DOCK3: variants seen among roughly 807,000 people sequenced by gnomAD.
The protein encoded by DOCK3 is dedicator of cytokinesis protein 3.
A neutral mutation model predicts 265.6 loss-of-function variants in DOCK3; 60 were observed. That is an observed-to-expected ratio of 0.23 (90% CI 0.18 to 0.28). The LOEUF (loss-of-function observed/expected upper bound fraction) is 0.28, where lower values mean the gene tolerates loss of function less well. Ranked by LOEUF, DOCK3 falls within the 10% of genes least tolerant of loss-of-function variation. The pLI is 1.00. For missense variants in DOCK3, 1,981 were observed against 2,594.3 expected, an observed-to-expected ratio of 0.76 and a Z score of 5.14; for synonymous variants, 881 against 938.0, an observed-to-expected ratio of 0.94 and a Z score of 1.11.
chr3:50,975,961 T>G (rs1423592433), intron 5 of DOCK3, among the ~76,000 whole-genome samples: 3 of 151,118 alleles, frequency 2.0e-5, no homozygotes, highest in Non-Finnish European at 4.4e-5. Flanking sequence ...TGATGGTAGT[T>G]TGTATTTCTG....
chr3:51,168,969 A>G (rs2086541890), intron 12 of DOCK3, among the ~76,000 whole-genome samples: 1 of 152,250 alleles, frequency 6.6e-6, no homozygotes, highest in African/African-American at 2.4e-5. Flanking sequence ...CATGTGGCCA[A>G]CAAGCATATG....
At chr3:51,205,222 CATCT>C (rs1560207843) in intron 12 of DOCK3, among the ~76,000 whole-genome samples, 3 of 151,690 alleles carry the variant, frequency 2.0e-5, no homozygotes. Context: ...AGAAGGTCCA[CATCT>C]ATCACCACAG....
At chr3:51,158,420 C>T (rs2085962864) in intron 10 of DOCK3, among the ~76,000 whole-genome samples, 1 of 152,122 alleles carries the variant, frequency 6.6e-6, no homozygotes, top group South Asian at 2.1e-4. Flanking sequence ...ATGGTGCACA[C>T]CTGTAGTACC....
At chr3:51,256,255 T>C (rs1376579008) in intron 22 of DOCK3, among the ~76,000 whole-genome samples, 2 of 152,184 alleles carry the variant, frequency 1.3e-5, no homozygotes, top group East Asian at 3.8e-4. Flanking sequence ...TATTCAGCCA[T>C]CTTGGAACCT....
At chr3:51,366,499 T>C (rs892156359) in intron 49 of DOCK3, among the ~76,000 whole-genome samples, 12 of 152,226 alleles carry the variant, frequency 7.9e-5, no homozygotes, top group Non-Finnish European at 1.3e-4. Flanking sequence ...TCAGTTCTGC[T>C]CTGATCTTAG....
intron 52 of DOCK3, 140 bp from the exon 53 acceptor site, chr3:51,380,910 G>A (rs1038158293): frequency 2.3e-5 from 25 of 1,108,138 alleles, no homozygotes; most frequent in Admixed American, 1.3e-4. Context: ...GGAGCTGGGA[G>A]CTTGCTGCTG....
chr3:51,159,333 C>A (rs1279489310), intron 11 of DOCK3, 29 bp downstream of exon 11: 1 of 1,601,622 alleles, frequency 6.2e-7, no homozygotes, highest in African/African-American at 1.3e-5. Context: ...ATTCACATGA[C>A]TAAGAATGGC....
intron 5 of DOCK3, among the ~76,000 whole-genome samples, chr3:50,940,899 C>T (rs2076273769): frequency 6.6e-6 from 1 of 152,100 alleles, no homozygotes; most frequent in African/African-American, 2.4e-5. Context: ...AAAACCCTGC[C>T]TAAGTATCAT....
intron 2 of DOCK3, among the ~76,000 whole-genome samples, chr3:50,814,618 A>G (rs1005284481): frequency 2.6e-5 from 4 of 151,988 alleles, no homozygotes; most frequent in African/African-American, 9.7e-5. Flanking sequence ...TTGCTCACTA[A>G]TGTTTCTTTT....
intron 4 of DOCK3, among the ~76,000 whole-genome samples, chr3:50,906,480 G>T (rs558214789): frequency 6.6e-6 from 1 of 151,960 alleles, no homozygotes; most frequent in Non-Finnish European, 1.5e-5. Flanking sequence ...CTTCTTCCTG[G>T]TTTAGTCTTG....
At chr3:51,309,369 G>A (rs1476541066) in intron 27 of DOCK3, among the ~76,000 whole-genome samples, 3 of 152,230 alleles carry the variant, frequency 2.0e-5, no homozygotes, top group African/African-American at 7.2e-5. Flanking sequence ...ATCACTTGCG[G>A]TTAGGAGCTG....
intron 5 of DOCK3, among the ~76,000 whole-genome samples, chr3:50,980,147 T>C (rs1231921640): frequency 6.6e-6 from 1 of 152,192 alleles, no homozygotes; most frequent in Non-Finnish European, 1.5e-5. Flanking sequence ...GCGTAATTTG[T>C]TGAGGGTTTT....
chr3:51,312,354 GAA>G, intron 29 of DOCK3, 120 bp from the exon 30 acceptor site: 1 of 978,864 alleles, frequency 1.0e-6, no homozygotes, highest in Admixed American at 2.8e-5. Flanking sequence ...ATTTAAAAGG[GAA>G]AAAAAATGAG....
rs1400168080 is a variant in DOCK3, at chr3:50,674,937, G to C, written c.-327G>C. On this transcript the variant is annotated 5_prime_UTR_variant, in exon 1 of 53. Transcript: ENST00000266037. The surrounding 1 kb of genome is among the most constrained non-coding windows in gnomAD (Gnocchi z 4.3). ...GCGCGGGCGTCCTGCGAGCCCGCTG[G>C]GGCGAGCCGAGCCGCGGCGGCGCCG... 1 of 148,736 alleles carries C rather than the reference G, an allele frequency of 6.7e-6. No individual in the cohort carries two copies. The highest frequency in any genetic ancestry group is 2.4e-5 in the African/African-American group (1 of 41,050). The allele number at this position is 148,736 out of a possible 1,614,324, so 9.2% of individuals were successfully genotyped here. A position where few individuals can be genotyped will look rare whatever the true frequency, so the allele number is the denominator to read the frequency against.
At chr3:50,788,635 C>T (rs1376481611) in intron 2 of DOCK3, among the ~76,000 whole-genome samples, 3 of 152,224 alleles carry the variant, frequency 2.0e-5, no homozygotes, top group Admixed American at 2.0e-4. Context: ...GCCAGGCTGG[C>T]CCCTCACTCC....
intron 1 of DOCK3, among the ~76,000 whole-genome samples, chr3:50,752,068 G>A (rs2039852142): frequency 6.6e-6 from 1 of 152,110 alleles, no homozygotes; most frequent in Non-Finnish European, 1.5e-5. Flanking sequence ...TATCACCCCA[G>A]TACCTGCAAT....
chr3:51,043,132 T>C (rs1367903310), intron 5 of DOCK3, among the ~76,000 whole-genome samples: 2 of 152,060 alleles, frequency 1.3e-5, no homozygotes, highest in Non-Finnish European at 2.9e-5. Flanking sequence ...CCTGAATAGC[T>C]AAGGCAATCC....
chr3:51,169,842 T>A (rs1009510277), intron 12 of DOCK3, among the ~76,000 whole-genome samples: 1 of 152,230 alleles, frequency 6.6e-6, no homozygotes, highest in Non-Finnish European at 1.5e-5. Context: ...ACCATCGTGC[T>A]ATCCCAGGGA....
intron 1 of DOCK3, among the ~76,000 whole-genome samples, chr3:50,737,882 A>G (rs1214800681): frequency 1.3e-5 from 2 of 152,138 alleles, no homozygotes; most frequent in African/African-American, 4.8e-5. Context: ...TGAATTGTTA[A>G]TGCAGTTTCT....
Sources: allele counts gnomAD v4.1 joint callset (sites outside exome capture counted in the v4.1 genomes callset), GRCh38; gene constraint gnomAD v4.1.1; non-coding constraint Gnocchi (gnomAD v3.1); transcripts MANE v1.5; gene names NCBI Gene and HGNC (gene_info 2026-07-23, HGNC 2026-07-21).